Variants in CAMK1D observed in about 807,000 individuals in gnomAD.
CAMK1D encodes the protein calcium/calmodulin dependent protein kinase ID, also known as calcium/calmodulin-dependent protein kinase type 1D.
A neutral mutation model predicts 47.7 loss-of-function variants in CAMK1D; 9 were observed. That is an observed-to-expected ratio of 0.19 (90% confidence interval 0.11 to 0.33). CAMK1D has a LOEUF of 0.33. Ranked by LOEUF, CAMK1D falls within the 10% of genes least tolerant of loss-of-function variation. The pLI is 1.00. For synonymous variants in CAMK1D, 184 were observed against 184.9 expected (o/e 0.99, Z 0.04); for missense variants, 291 against 488.7 (o/e 0.60, Z 3.81).
At chr10:12,520,967 G>GGGGAGGGAGAGGGAGA (rs1564387952) in intron 1 of CAMK1D, among the ~76,000 whole-genome samples, 2 of 24,580 alleles carry the variant, frequency 8.1e-5, no homozygotes, top group African/African-American at 3.3e-4. Flanking sequence ...GGAGGGGGAG[G>GGGGAGGGAGAGGGAGA]GGGAGAGCTT....
chr10:12,730,320 G>GCAC (rs1834833593), intron 3 of CAMK1D, among the ~76,000 whole-genome samples: 1 of 152,184 alleles, frequency 6.6e-6, no homozygotes, highest in South Asian at 2.1e-4. Flanking sequence ...TTTGCCCAAA[G>GCAC]CACCTGAAAG....
At chr10:12,787,094 G>T (rs925683528) in intron 5 of CAMK1D, among the ~76,000 whole-genome samples, 7 of 151,836 alleles carry the variant, frequency 4.6e-5, no homozygotes, top group Admixed American at 6.6e-5. Context: ...CTGCACTCCA[G>T]CCTGGGCGAC....
intron 1 of CAMK1D, among the ~76,000 whole-genome samples, chr10:12,491,051 G>A (rs1178272137): frequency 6.6e-6 from 1 of 152,194 alleles, no homozygotes; most frequent in African/African-American, 2.4e-5. Context: ...CTGTGCAGAT[G>A]CTGGGGATTT....
At position 12,831,353 on chromosome 10, in the gene CAMK1D, G is replaced by A. The variant is rs1757063; in HGVS notation, c.*2466G>A. 43,561 of 152,024 alleles carry A rather than the reference G, an allele frequency of 0.29. 6,280 individuals are homozygous for A. Among genetic ancestry groups the A allele is most frequent in the South Asian group, 0.41 (1,967 of 4,808 alleles). The allele number at this position is 152,024 out of a possible 1,614,324, so 9.4% of individuals were successfully genotyped here. ...GACAAAGTAATAGAAGGCTGCAAGC[G>A]CTGAAAATGCACCCGAATCTGGTAC... is the stretch of plus-strand genomic sequence containing the variant. On this transcript the variant is annotated 3_prime_UTR_variant, in exon 11 of 11. Transcript: ENST00000619168.
At chr10:12,743,172 C>A (rs1391690752) in intron 3 of CAMK1D, among the ~76,000 whole-genome samples, 1 of 151,802 alleles carries the variant, frequency 6.6e-6, no homozygotes, top group African/African-American at 2.4e-5. Context: ...CATGATGAAA[C>A]CCCATCCCTA....
chr10:12,778,377 C>T (rs1837358182), intron 5 of CAMK1D, among the ~76,000 whole-genome samples: 1 of 152,152 alleles, frequency 6.6e-6, no homozygotes, highest in African/African-American at 2.4e-5. Flanking sequence ...CTGGATTGTA[C>T]ACACCCTTTG....
chr10:12,666,684 A>G, intron 2 of CAMK1D, 52 bp from the exon 3 acceptor site: 2 of 1,423,758 alleles, frequency 1.4e-6, no homozygotes, highest in African/African-American at 1.4e-5. Context: ...GTTTTGAAAC[A>G]TTTTCCTATC....
intron 1 of CAMK1D, among the ~76,000 whole-genome samples, chr10:12,443,651 A>T (rs1832848697): frequency 6.6e-6 from 1 of 151,690 alleles, no homozygotes; most frequent in Non-Finnish European, 1.5e-5. Context: ...TATTTTTGAG[A>T]CGGAGTCTCG....
At chr10:12,472,890 G>A (rs1290510478) in intron 1 of CAMK1D, among the ~76,000 whole-genome samples, 2 of 152,204 alleles carry the variant, frequency 1.3e-5, no homozygotes, top group Admixed American at 6.5e-5. Flanking sequence ...CGAGTACAGG[G>A]ATGAGTGGCT....
At chr10:12,391,517 T>G (rs571570507) in intron 1 of CAMK1D, among the ~76,000 whole-genome samples, 1,322 of 112,790 alleles carry the variant, frequency 0.012, 14 homozygotes, top group Non-Finnish European at 0.019. Flanking sequence ...ATGCTGACCG[T>G]TTTTTTTAAA....
chr10:12,357,829 C>T (rs1297529788), intron 1 of CAMK1D, among the ~76,000 whole-genome samples: 1 of 152,058 alleles, frequency 6.6e-6, no homozygotes, highest in Non-Finnish European at 1.5e-5. Flanking sequence ...AGGGAGATTT[C>T]TTTTTCTCCG....
intron 2 of CAMK1D, among the ~76,000 whole-genome samples, chr10:12,554,838 C>A (rs910088302): frequency 6.6e-6 from 1 of 152,226 alleles, no homozygotes; most frequent in Non-Finnish European, 1.5e-5. Context: ...GCCATGGCGC[C>A]TGGCTCCCAG....
At chr10:12,422,070 A>G (rs1588468379) in intron 1 of CAMK1D, among the ~76,000 whole-genome samples, 1 of 151,510 alleles carries the variant, frequency 6.6e-6, no homozygotes, top group Non-Finnish European at 1.5e-5. Flanking sequence ...TGGCCTTCCA[A>G]AGTGCTGGGA....
intron 6 of CAMK1D, among the ~76,000 whole-genome samples, chr10:12,809,439 C>T (rs1832512441): frequency 6.6e-6 from 1 of 152,216 alleles, no homozygotes; most frequent in Admixed American, 6.5e-5. Flanking sequence ...GAGATTAACA[C>T]TCCCATGTTC....
intron 1 of CAMK1D, among the ~76,000 whole-genome samples, chr10:12,369,669 A>T (rs1837948906): frequency 6.6e-6 from 1 of 152,176 alleles, no homozygotes; most frequent in Non-Finnish European, 1.5e-5. Context: ...TTTAAATAGC[A>T]TTATGTTGGC....
chr10:12,742,126 A>G (rs1835460837), intron 3 of CAMK1D, among the ~76,000 whole-genome samples: 1 of 152,064 alleles, frequency 6.6e-6, no homozygotes, highest in African/African-American at 2.4e-5. Flanking sequence ...TTGTGTTTTA[A>G]CACGTTTTTG....
intron 1 of CAMK1D, among the ~76,000 whole-genome samples, chr10:12,404,245 ATATTGGTTGG>A (rs1839333496): frequency 6.6e-6 from 1 of 152,078 alleles, no homozygotes; most frequent in Non-Finnish European, 1.5e-5. Context: ...GGGTTTCTCC[ATATTGGTTGG>A]GCTGGTCTCG....
chr10:12,360,318 C>A (rs923663962), intron 1 of CAMK1D, among the ~76,000 whole-genome samples: 1 of 152,140 alleles, frequency 6.6e-6, no homozygotes, highest in Non-Finnish European at 1.5e-5. Flanking sequence ...CCCACACAAC[C>A]CTGTCCCTTC....
intron 1 of CAMK1D, among the ~76,000 whole-genome samples, chr10:12,512,624 T>C (rs183985339): frequency 2.2e-3 from 338 of 152,322 alleles, no homozygotes; most frequent in Non-Finnish European, 1.4e-3. Flanking sequence ...TTAGACTCCG[T>C]AGTGGCTACT....
Sources: allele counts gnomAD v4.1 joint callset (sites outside exome capture counted in the v4.1 genomes callset), GRCh38; gene constraint gnomAD v4.1.1; transcripts MANE v1.5; gene names NCBI Gene and HGNC (gene_info 2026-07-23, HGNC 2026-07-21).